PRDM15: variants seen among roughly 807,000 people sequenced by gnomAD.
The protein encoded by PRDM15 is PR domain zinc finger protein 15.
In PRDM15, 64 loss-of-function variants were observed where a neutral mutation model predicts 128.6. The observed-to-expected ratio is 0.50, with a 90% CI of 0.41 to 0.61. The LOEUF is 0.61. Ranked by LOEUF, PRDM15 falls within the 20% of genes least tolerant of loss-of-function variation. The probability of loss-of-function intolerance (pLI) is 0.00; values close to 1 mark genes in which losing one functional copy is unlikely to be tolerated. For synonymous variants in PRDM15, 615 were observed against 621.8 expected (o/e 0.99, Z 0.16); for missense variants, 1,242 against 1,569.1 (o/e 0.79, Z 3.52).
intron 4 of PRDM15, among the ~76,000 whole-genome samples, chr21:41,855,913 TC>T (rs1311062486): frequency 0.038 from 72 of 1,886 alleles, 3 homozygotes; most frequent in African/African-American, 0.081. Flanking sequence ...TTCCTTTCCT[TC>T]CCTCCCTCCC....
intron 16 of PRDM15, 109 bp downstream of exon 16, chr21:41,820,958 A>T (rs562799415): frequency 7.2e-7 from 1 of 1,380,292 alleles, no homozygotes; most frequent in Non-Finnish European, 1.0e-6. Context: ...GACCCAGAGG[A>T]CATCACTTGT....
chr21:41,816,254 T>G (rs937337658), intron 18 of PRDM15, among the ~76,000 whole-genome samples: 12 of 152,354 alleles, frequency 7.9e-5, no homozygotes, highest in African/African-American at 2.9e-4. Flanking sequence ...TCAATCTACC[T>G]GTAATTTAAG....
intron 1 of PRDM15, chr21:41,871,880 G>A (rs563520932): frequency 5.5e-6 from 2 of 361,854 alleles, no homozygotes; most frequent in East Asian, 9.1e-5. Context: ...GTAGCATGCC[G>A]GCCTCCACCT....
At chr21:41,843,088 T>G (rs1308682652) in intron 6 of PRDM15, among the ~76,000 whole-genome samples, 1 of 151,592 alleles carries the variant, frequency 6.6e-6, no homozygotes, top group Non-Finnish European at 1.5e-5. Flanking sequence ...TCTGGCCTGA[T>G]TTTTTTGTTT....
At chr21:41,835,037 C>T (rs1568951276) in intron 11 of PRDM15, among the ~76,000 whole-genome samples, 1 of 152,208 alleles carries the variant, frequency 6.6e-6, no homozygotes, top group Non-Finnish European at 1.5e-5. Flanking sequence ...CGGTTAGGAA[C>T]AACCTTTGCA....
intron 1 of PRDM15, chr21:41,863,401 C>G (rs1339607779): frequency 6.6e-6 from 1 of 152,160 alleles, no homozygotes; most frequent in Admixed American, 6.5e-5. Flanking sequence ...CCACGTGGTT[C>G]GGATGCAGCT....
chr21:41,825,739 C>G (rs2062446302), intron 13 of PRDM15, among the ~76,000 whole-genome samples: 1 of 152,176 alleles, frequency 6.6e-6, no homozygotes, highest in African/African-American at 2.4e-5. Flanking sequence ...AGGAAGAATC[C>G]TTCTTTCTCA....
At position 41,810,304 on chromosome 21, in the gene PRDM15, C is replaced by T; in HGVS notation, c.2502G>A (p.Val834=). ...HTVGKQWTCS[V]CDKKYVTEYM... is the part of the protein sequence containing the mutation. ...ACTCGGTCACGTACTTCTTGTCGCACACGGAGCACGTCCACTGCTTGCCCA... is the reference window on the plus strand; with the variant it reads ...ACTCGGTCACGTACTTCTTGTCGCATACGGAGCACGTCCACTGCTTGCCCA... The change falls in exon 21 of 24, where the codon GTG becomes GTA. Residue 834 remains valine (V), a synonymous_variant. Coordinates refer to ENST00000398548, the MANE Select transcript of PRDM15 (RefSeq NM_001040424.3). The surrounding 1 kb of genome is among the most constrained non-coding windows in gnomAD (Gnocchi z 6.4). 6.2e-7 allele frequency: 1 copy of T among 1,613,490 alleles called. No homozygotes were observed. The highest frequency in any genetic ancestry group is 1.3e-5 in the African/African-American group (1 of 75,034).
chr21:41,851,150 C>T (rs749240528), intron 5 of PRDM15, among the ~76,000 whole-genome samples: 4 of 152,174 alleles, frequency 2.6e-5, no homozygotes, highest in Non-Finnish European at 4.4e-5. Flanking sequence ...CCTTTTCTCC[C>T]ACCATGCAGC....
chr21:41,866,782 C>T (rs1055341984), intron 1 of PRDM15, among the ~76,000 whole-genome samples: 4 of 152,194 alleles, frequency 2.6e-5, no homozygotes, highest in Non-Finnish European at 5.9e-5. Flanking sequence ...TTCCCCCCTT[C>T]CACACACACT....
intron 5 of PRDM15, among the ~76,000 whole-genome samples, chr21:41,847,750 T>C (rs2146718943): frequency 6.6e-6 from 1 of 152,178 alleles, no homozygotes; most frequent in Middle Eastern, 3.2e-3. Flanking sequence ...TTCCAGGAAA[T>C]AAGTGTTTAA....
At chr21:41,842,103 G>A (rs1369249793) in intron 6 of PRDM15, among the ~76,000 whole-genome samples, 2 of 152,146 alleles carry the variant, frequency 1.3e-5, no homozygotes, top group Non-Finnish European at 2.9e-5. Flanking sequence ...CAGAAATAAA[G>A]TAAATATACA....
chr21:41,831,199 G>A (rs1406734781), intron 11 of PRDM15, among the ~76,000 whole-genome samples: 6 of 152,226 alleles, frequency 3.9e-5, no homozygotes, highest in African/African-American at 9.6e-5. Flanking sequence ...CAAAGCAGCC[G>A]CCCTGCGCCT....
chr21:41,850,948 C>A (rs2063410286), intron 5 of PRDM15, among the ~76,000 whole-genome samples: 1 of 152,156 alleles, frequency 6.6e-6, no homozygotes, highest in Admixed American at 6.5e-5. Context: ...AGAATTAAGT[C>A]ACTGAGTCTT....
chr21:41,808,457 C>T (rs956787584), intron 21 of PRDM15, among the ~76,000 whole-genome samples: 7 of 152,224 alleles, frequency 4.6e-5, no homozygotes, highest in African/African-American at 1.2e-4. Flanking sequence ...AACAGCAACA[C>T]GGCGACGTCC....
In PRDM15 at chr21:41,801,665, T is replaced by C. The variant is rs765750235; in HGVS notation, c.3001A>G (p.Thr1001Ala). ...GTGATGGGGGTCACGGTGATGTTGG[T>C]TAAGCCGACTGAGCTCGATGGTGTG... ...VTTPSSSVGLTNITVTPITTA... is the reference protein window; with the variant it reads ...VTTPSSSVGLANITVTPITTA... The change falls in exon 24 of 24, where the codon ACC becomes GCC. Residue 1001 changes from threonine to alanine, a missense_variant. Physicochemically the swap from Thr to Ala is moderately conservative, Grantham distance 58. Around this residue, in one of 3 missense-constraint regions of PRDM15, gnomAD observed 602 missense variants for 788.3 expected, o/e 0.76. Transcript: ENST00000398548. 7 of 1,614,062 alleles carry C rather than the reference T, an allele frequency of 4.3e-6. No individual in the cohort carries two copies. In the South Asian group the frequency reaches 6.6e-5, roughly 15 times the overall value.
At chr21:41,860,294 C>A in intron 2 of PRDM15, 33 bp downstream of exon 2, 1 of 1,595,962 alleles carries the variant, frequency 6.3e-7, no homozygotes, top group South Asian at 1.1e-5. Context: ...TAGGGCTGGT[C>A]TCGGACCTGG....
chr21:41,809,571 T>C (rs913804150), intron 21 of PRDM15, among the ~76,000 whole-genome samples: 7 of 152,200 alleles, frequency 4.6e-5, no homozygotes, highest in African/African-American at 1.7e-4. Flanking sequence ...TTGTTCTGAG[T>C]GCTTATGGAG....
chr21:41,817,495 T>C (rs1413422111), intron 18 of PRDM15, among the ~76,000 whole-genome samples: 1 of 152,140 alleles, frequency 6.6e-6, no homozygotes, highest in Non-Finnish European at 1.5e-5. Flanking sequence ...AATTCCCTGG[T>C]CAGGGCTAGA....
Sources: gnomAD v4.1 joint callset for allele counts (sites outside exome capture counted in the v4.1 genomes callset) on GRCh38, gnomAD v4.1.1 for gene constraint, gnomAD v4.1.1 regional missense constraint, Gnocchi (gnomAD v3.1) non-coding constraint, MANE v1.5 for transcripts, NCBI Gene and HGNC (gene_info 2026-07-23, HGNC 2026-07-21) for gene names.